GLB1L3: variants seen among roughly 807,000 people sequenced by gnomAD.
GLB1L3 encodes galactosidase beta 1 like 3, also known as beta-galactosidase-1-like protein 3.
Under a neutral mutation model 89.5 loss-of-function variants are expected in GLB1L3, and 89 were observed. The ratio of observed to expected loss-of-function variants is 0.99; its 90% confidence interval spans 0.84 to 1.19. The LOEUF is 1.19. Among genes scored for constraint, GLB1L3 ranks in the 50% most tolerant of loss-of-function variants. The probability of loss-of-function intolerance (pLI) is 0.00; values close to 1 mark genes in which losing one functional copy is unlikely to be tolerated. For synonymous variants in GLB1L3, 314 were observed against 312.3 expected, an observed-to-expected ratio of 1.01 and a Z score of -0.06; for missense variants, 812 against 813.3, an observed-to-expected ratio of 1.00 and a Z score of 0.02.
intron 7 of GLB1L3, among the ~76,000 whole-genome samples, chr11:134,290,671 G>A (rs1297624006): frequency 6.6e-6 from 1 of 150,956 alleles, no homozygotes; most frequent in Non-Finnish European, 1.5e-5. Context: ...CACAGGAGAC[G>A]CACAGCCAGG....
rs776712442 is a variant in GLB1L3 at position 134,293,174 on chromosome 11, C to T, written c.841C>T (p.His281Tyr). 2 of 1,613,868 alleles carry T rather than the reference C, an allele frequency of 1.2e-6. No homozygotes were observed. The highest frequency in any genetic ancestry group is 1.7e-6 in the Non-Finnish European group (2 of 1,179,800). Reference protein sequence around the residue: ...VLAAINLQKLHQDTFNQLHKV... With the variant: ...VLAAINLQKLYQDTFNQLHKV... ...GGCCGCCATCAATTTGCAAAAACTT[C>T]ACCAGGATACTTTCAATCAGCTTCA... is the stretch of plus-strand genomic sequence containing the variant. The change falls in exon 9 of 20, where the codon CAC becomes TAC. Residue 281 changes from histidine to tyrosine, a missense_variant. His to Tyr is a moderately conservative substitution (Grantham distance 83). Coordinates refer to ENST00000431683, the MANE Select transcript of GLB1L3 (RefSeq NM_001080407.3).
intron 8 of GLB1L3, 139 bp from the exon 9 acceptor site, chr11:134,293,006 G>A (rs968661460): frequency 2.8e-6 from 2 of 703,390 alleles, no homozygotes; most frequent in Non-Finnish European, 5.1e-6. Flanking sequence ...GTGGCAGAGT[G>A]GGGTCCAGAC....
rs1428193304 is a variant in GLB1L3, at chr11:134,313,496, TC to T, written c.1579+24del. 5 of 1,521,730 alleles carry T rather than the reference TC, an allele frequency of 3.3e-6. No homozygotes were observed. The Admixed American group carries it at 9.8e-5, about 30-fold the overall frequency. 94.3% of individuals were successfully genotyped at this position (1,521,730 alleles called of 1,614,324 possible). A position where few individuals can be genotyped will look rare whatever the true frequency, so the allele number is the denominator to read the frequency against. On this transcript the variant is annotated intron_variant, in intron 16 of 19. Coordinates refer to ENST00000431683, the MANE Select transcript of GLB1L3 (RefSeq NM_001080407.3). ...AAAGGTGGGCTCTGGCTGTGGCTTCTCCTCAGTTGCTCAGAACCGAAGACCC... is the reference window on the plus strand; with the variant it reads ...AAAGGTGGGCTCTGGCTGTGGCTTCTCTCAGTTGCTCAGAACCGAAGACCC...
At chr11:134,306,088 C>T (rs1002285642) in intron 9 of GLB1L3, among the ~76,000 whole-genome samples, 2 of 151,920 alleles carry the variant, frequency 1.3e-5, no homozygotes, top group Admixed American at 1.3e-4. Context: ...TCTATATGTC[C>T]AGATGAAAAG....
At chr11:134,308,095 A>G (rs1942283841) in intron 10 of GLB1L3, among the ~76,000 whole-genome samples, 1 of 150,546 alleles carries the variant, frequency 6.6e-6, no homozygotes. Context: ...ACCACCAACA[A>G]TAATGCCAGC....
chr11:134,277,122 T>C (rs1412557471), intron 1 of GLB1L3: 1 of 678,684 alleles, frequency 1.5e-6, no homozygotes, highest in South Asian at 1.8e-5. Context: ...TGAACGTCTG[T>C]CCCCGGCCTT....
chr11:134,308,205 C>CCAG (rs1942323318), intron 10 of GLB1L3, among the ~76,000 whole-genome samples: 1 of 29,910 alleles, frequency 3.3e-5, no homozygotes, highest in Non-Finnish European at 6.8e-5. Flanking sequence ...ATCACCACTA[C>CCAG]CACCACCACC....
At chr11:134,305,353 C>G (rs1942150448) in intron 9 of GLB1L3, 1 of 482,420 alleles carries the variant, frequency 2.1e-6, no homozygotes, top group Admixed American at 3.7e-5. Context: ...TGCTGTTAGT[C>G]TTTCCTAAAA....
intron 9 of GLB1L3, among the ~76,000 whole-genome samples, chr11:134,302,775 T>C (rs1413394261): frequency 1.3e-5 from 2 of 152,220 alleles, no homozygotes; most frequent in African/African-American, 4.8e-5. Context: ...GTAAATGCCC[T>C]GTGTGTTTGT....
Position 134,312,819 on chromosome 11 carries a change from T to A in GLB1L3, c.1432T>A (p.Phe478Ile). The A allele has an allele frequency of 6.2e-7, 1 of 1,608,308 alleles. No individual in the cohort carries two copies. Among genetic ancestry groups the A allele is most frequent in the Non-Finnish European group, 8.5e-7 (1 of 1,175,828 alleles). ...GACGCCGGCTCTTCTTTTGCAGGTG[T>A]TTTTGGATGAGACAATGATAGGGAT... ...RAHAHDVAQV[F>I]LDETMIGILN... The change falls in exon 15 of 20, where the codon TTT (phenylalanine) becomes ATT (isoleucine). Residue 478 changes from phenylalanine to isoleucine, a missense_variant. By Grantham distance (21) the Phe-to-Ile change is conservative. Transcript: ENST00000431683.
intron 9 of GLB1L3, among the ~76,000 whole-genome samples, chr11:134,302,099 G>T (rs553948765): frequency 5.3e-5 from 8 of 152,132 alleles, no homozygotes; most frequent in African/African-American, 1.7e-4. Context: ...CTCCTCTGAC[G>T]TGACCCCATC....
chr11:134,321,937 A>G (rs562547493), downstream of GLB1L3, among the ~76,000 whole-genome samples: 26 of 152,182 alleles, frequency 1.7e-4, no homozygotes, highest in Non-Finnish European at 3.4e-4. Flanking sequence ...AAGTACAAGT[A>G]GAAACACATA....
At chr11:134,324,961 T>C in the GLB1L3 span, among the ~76,000 whole-genome samples, 1 of 152,104 alleles carries the variant, frequency 6.6e-6, no homozygotes, top group Non-Finnish European at 1.5e-5. Flanking sequence ...ACATTTTATA[T>C]TTTAAAAACA....
In GLB1L3 at chr11:134,312,244, AG is replaced by A. The variant is rs890524451; in HGVS notation, c.1288-104del. 10 of 1,302,326 alleles carry A rather than the reference AG, an allele frequency of 7.7e-6. No individual in the cohort carries two copies. The Admixed American group carries it at 1.0e-4, about 13-fold the overall frequency. The allele number at this position is 1,302,326 out of a possible 1,614,324, so 80.7% of individuals were successfully genotyped here. On this transcript the variant is annotated intron_variant, in intron 13 of 19. Coordinates refer to ENST00000431683, the MANE Select transcript of GLB1L3 (RefSeq NM_001080407.3). Reference sequence around the variant, plus strand: ...ATCTGTTTCATCATTTCCCATTTGAAGAACCCTTGGGGACCATTAGGCAGGA... The same window carrying A: ...ATCTGTTTCATCATTTCCCATTTGAAAACCCTTGGGGACCATTAGGCAGGA...
At chr11:134,280,930 C>G (rs1476116014) in intron 3 of GLB1L3, among the ~76,000 whole-genome samples, 4 of 152,156 alleles carry the variant, frequency 2.6e-5, no homozygotes, top group African/African-American at 9.7e-5. Context: ...CCTGGGGGCC[C>G]TTCTTGCTAA....
intron 10 of GLB1L3, among the ~76,000 whole-genome samples, chr11:134,308,380 TCACCACCATCACCACCATCACCATC>T (rs1942422021): frequency 4.0e-4 from 7 of 17,514 alleles, no homozygotes; most frequent in Non-Finnish European, 7.5e-4. Flanking sequence ...ACCACCACCA[TCACCACCATCACCACCATCACCATC>T]ACCACCACCA....
At position 134,319,137 on chromosome 11, in the gene GLB1L3, G is replaced by A. The variant is rs1943109626; in HGVS notation, c.*195G>A. The A allele has an allele frequency of 1.9e-6, 1 of 531,588 alleles. No individual in the cohort carries two copies. The highest frequency in any genetic ancestry group is 5.2e-4 in the Middle Eastern group (1 of 1,938). The allele number at this position is 531,588 out of a possible 1,614,324, so 32.9% of individuals were successfully genotyped here. A position where few individuals can be genotyped will look rare whatever the true frequency, so the allele number is the denominator to read the frequency against. On this transcript the variant is annotated 3_prime_UTR_variant, in exon 20 of 20. Transcript: ENST00000431683. ...GCCTGGCTAATTTTTTGTATTTTTA[G>A]TAGAGATGGGGTTTCACCAAGTTAG... is the stretch of plus-strand genomic sequence containing the variant.
intron 7 of GLB1L3, among the ~76,000 whole-genome samples, chr11:134,290,567 G>A (rs1276567410): frequency 1.8e-5 from 2 of 113,346 alleles, no homozygotes; most frequent in African/African-American, 3.4e-5. Context: ...AGTGAGACTC[G>A]TCCCCCCCCG....
intron 10 of GLB1L3, among the ~76,000 whole-genome samples, chr11:134,308,600 TCCA>T (rs1310577775): frequency 1.3e-4 from 10 of 77,400 alleles, no homozygotes; most frequent in Non-Finnish European, 2.1e-4. Context: ...CACCATCACC[TCCA>T]CCACCACCAC....
Sources: gnomAD v4.1 joint callset for allele counts (sites outside exome capture counted in the v4.1 genomes callset) on GRCh38, gnomAD v4.1.1 for gene constraint, MANE v1.5 for transcripts, NCBI Gene and HGNC (gene_info 2026-07-23, HGNC 2026-07-21) for gene names.